CLEC16A: variants seen among roughly 807,000 people sequenced by gnomAD.
The protein encoded by CLEC16A is C-type lectin domain containing 16A, also known as protein CLEC16A.
A neutral mutation model predicts 109.5 loss-of-function variants in CLEC16A; 51 were observed. That is an observed-to-expected ratio of 0.47 (90% CI 0.37 to 0.59). The LOEUF (loss-of-function observed/expected upper bound fraction) is 0.59. CLEC16A is among the 20% of genes least tolerant of loss of function. The probability of loss-of-function intolerance (pLI) is 0.00; values close to 1 mark genes in which losing one functional copy is unlikely to be tolerated. For missense variants in CLEC16A, 1,339 were observed against 1,394.0 expected (o/e 0.96, Z 0.63); for synonymous variants, 673 against 564.2 (o/e 1.19, Z -2.73).
intron 10 of CLEC16A, among the ~76,000 whole-genome samples, chr16:10,999,793 G>A (rs1051942929): frequency 6.6e-6 from 1 of 152,000 alleles, no homozygotes; most frequent in African/African-American, 2.4e-5. Flanking sequence ...AATGTTTTGT[G>A]TTGGATGTTC....
Position 11,087,573 on chromosome 16 carries a change from A to G in CLEC16A, c.2116+26551A>G, listed in dbSNP as rs1224389778. On this transcript the variant is annotated intron_variant, in intron 19 of 23. Transcript: ENST00000409790. The stretch of plus-strand genomic sequence containing the variant: ...GCTGGGTTAAGCCCTGTGTTTGAGT[A>G]AAAGTAGTATTCAAGTAAAAGTGGG... Among the ~76,000 whole-genome samples the G allele has an allele frequency of 2.0e-5, 3 of 152,250 alleles. No individual in the cohort carries two copies. The East Asian group carries it at 5.8e-4, about 29-fold the overall frequency.
intron 23 of CLEC16A, among the ~76,000 whole-genome samples, chr16:11,176,181 G>A (rs147020515): frequency 2.0e-5 from 3 of 152,350 alleles, no homozygotes; most frequent in African/African-American, 4.8e-5. Flanking sequence ...AGGTCAGGGC[G>A]CACGCCTGAG....
At chr16:11,134,305 T>C (rs2053431806) in intron 22 of CLEC16A, among the ~76,000 whole-genome samples, 2 of 151,938 alleles carry the variant, frequency 1.3e-5, no homozygotes, top group Non-Finnish European at 2.9e-5. Flanking sequence ...GAAAAATTTG[T>C]ATCTATTTCT....
chr16:11,089,337 C>A (rs2050180419), intron 19 of CLEC16A, among the ~76,000 whole-genome samples: 1 of 152,162 alleles, frequency 6.6e-6, no homozygotes, highest in Non-Finnish European at 1.5e-5. Flanking sequence ...GCCGTCATTG[C>A]ATTAAATGGA....
chr16:11,173,014 C>T (rs1025194506), intron 23 of CLEC16A, among the ~76,000 whole-genome samples: 33 of 152,114 alleles, frequency 2.2e-4, no homozygotes, highest in African/African-American at 7.5e-4. Flanking sequence ...GGAGCTTCCC[C>T]GGCTTCCCTC....
intron 22 of CLEC16A, chr16:11,126,376 G>T (rs2052821202): frequency 6.9e-7 from 1 of 1,442,684 alleles, no homozygotes. Flanking sequence ...AGATTTGTTG[G>T]GTATGTGGAA....
chr16:11,055,562 G>A (rs1182966783), intron 18 of CLEC16A, among the ~76,000 whole-genome samples: 1 of 122,804 alleles, frequency 8.1e-6, no homozygotes, highest in Non-Finnish European at 1.6e-5. Context: ...CGATAACGCC[G>A]TTTTCCCTCT....
chr16:11,094,551 C>G lies in CLEC16A; in HGVS notation c.2117-26064C>G, dbSNP rs200021481. 2.8e-4 allele frequency among the ~76,000 whole-genome samples: 42 copies of G among 152,326 alleles called. No homozygotes were observed. The East Asian group carries it at 4.8e-3, about 17-fold the overall frequency. The stretch of plus-strand genomic sequence containing the variant: ...AGCATTTACAGGCACCACCTCCCCC[C>G]CTACAACTTTTTCCAGGCCACATCA... On this transcript the variant is annotated intron_variant, in intron 19 of 23. Transcript: ENST00000409790.
intron 19 of CLEC16A, among the ~76,000 whole-genome samples, chr16:11,083,133 TTTGTTG>T (rs753891555): frequency 4.7e-5 from 7 of 150,038 alleles, no homozygotes; most frequent in Admixed American, 1.3e-4. Flanking sequence ...TTTTGTTTGT[TTTGTTG>T]TTGTTGTTGT....
chr16:11,172,920 T>C (rs1217027691), intron 23 of CLEC16A, among the ~76,000 whole-genome samples: 1 of 152,004 alleles, frequency 6.6e-6, no homozygotes, highest in Non-Finnish European at 1.5e-5. Flanking sequence ...CCACATTGGG[T>C]TATGAGTCAT....
At chr16:11,092,204 TGTG>T (rs2050341882) in intron 19 of CLEC16A, among the ~76,000 whole-genome samples, 1 of 152,064 alleles carries the variant, frequency 6.6e-6, no homozygotes, top group Non-Finnish European at 1.5e-5. Context: ...ACTAGCCACG[TGTG>T]GTGGTATGCA....
At chr16:11,139,381 CT>C (rs2053718785) in intron 22 of CLEC16A, among the ~76,000 whole-genome samples, 1 of 152,250 alleles carries the variant, frequency 6.6e-6, no homozygotes, top group Admixed American at 6.5e-5. Flanking sequence ...ATACAGTTTT[CT>C]TTATTTGCAG....
chr16:10,998,615 G>C (rs1341296999), intron 10 of CLEC16A, among the ~76,000 whole-genome samples: 1 of 152,156 alleles, frequency 6.6e-6, no homozygotes, highest in Non-Finnish European at 1.5e-5. Context: ...GCTACGTTTA[G>C]CTCCTGAGAA....
intron 19 of CLEC16A, among the ~76,000 whole-genome samples, chr16:11,102,091 G>T (rs35715760): frequency 5.1e-4 from 78 of 151,796 alleles, no homozygotes; most frequent in African/African-American, 1.9e-3. Flanking sequence ...GGGATTATAG[G>T]TGTGAGCCAC....
chr16:11,148,859 G>C (rs997305654), intron 22 of CLEC16A, among the ~76,000 whole-genome samples: 5 of 152,188 alleles, frequency 3.3e-5, no homozygotes, highest in Non-Finnish European at 5.9e-5. Flanking sequence ...CTTCAGCTCA[G>C]GCCCAGAAGA....
At chr16:11,096,671 C>T (rs1321146569) in intron 19 of CLEC16A, among the ~76,000 whole-genome samples, 1 of 152,200 alleles carries the variant, frequency 6.6e-6, no homozygotes. Context: ...TAATTTTTCA[C>T]TCCAGGCCTT....
At chr16:11,020,427 C>T (rs2046028673) in intron 12 of CLEC16A, 102 bp downstream of exon 12, 4 of 1,352,002 alleles carry the variant, frequency 3.0e-6, no homozygotes, top group African/African-American at 1.5e-5. Context: ...TGTCCCTCAG[C>T]CCGACCATGC....
chr16:11,090,158 G>A (rs564828073), intron 19 of CLEC16A, among the ~76,000 whole-genome samples: 4 of 152,298 alleles, frequency 2.6e-5, no homozygotes, highest in South Asian at 2.1e-4. Flanking sequence ...TGGAAGAACC[G>A]CAGAAGGGGG....
At chr16:11,012,620 A>AG (rs1284180961) in intron 11 of CLEC16A, among the ~76,000 whole-genome samples, 1 of 146,768 alleles carries the variant, frequency 6.8e-6, no homozygotes, top group Non-Finnish European at 1.5e-5. Flanking sequence ...AAAAAAAAAA[A>AG]AGAAAGATTT....
Sources: gnomAD v4.1 joint callset for allele counts (sites outside exome capture counted in the v4.1 genomes callset) on GRCh38, gnomAD v4.1.1 for gene constraint, MANE v1.5 for transcripts, NCBI Gene and HGNC (gene_info 2026-07-23, HGNC 2026-07-21) for gene names.